MPHOSPH8: variants seen among roughly 807,000 people sequenced by gnomAD.
The protein encoded by MPHOSPH8 is M-phase phosphoprotein 8.
MPHOSPH8 carries 45 observed loss-of-function variants against 87.3 expected under a neutral mutation model. That is an observed-to-expected ratio of 0.52 (90% confidence interval 0.41 to 0.66). The LOEUF (loss-of-function observed/expected upper bound fraction) is 0.66. Among genes scored for constraint, MPHOSPH8 ranks in the 30% least tolerant of loss-of-function variants. MPHOSPH8 has a pLI of 0.00. For synonymous variants in MPHOSPH8, 366 were observed against 376.9 expected (o/e 0.97, Z 0.33); for missense variants, 883 against 1,020.2 (o/e 0.87, Z 1.83).
intron 9 of MPHOSPH8, among the ~76,000 whole-genome samples, chr13:19,665,797 G>A (rs1032781642): frequency 6.6e-6 from 1 of 152,208 alleles, no homozygotes; most frequent in Non-Finnish European, 1.5e-5. Flanking sequence ...AGAATTAAGG[G>A]ACTTATCTGA....
chr13:19,666,450 T>C lies in MPHOSPH8; in HGVS notation c.2045T>C (p.Ile682Thr). The change falls in exon 10 of 14, where the codon ATC becomes ACC. Residue 682 changes from isoleucine (I) to threonine (T), a missense_variant. Coordinates refer to ENST00000361479, the MANE Select transcript of MPHOSPH8 (RefSeq NM_017520.4). ...GCCTGTAAAAGAGGAAATTCAGACATCGTACGACTCGTAATTGAATGTGGA... is the reference window on the plus strand; with the variant it reads ...GCCTGTAAAAGAGGAAATTCAGACACCGTACGACTCGTAATTGAATGTGGA... ...MKACKRGNSD[I>T]VRLVIECGAD... is the part of the protein sequence containing the mutation. 1 of 1,610,070 alleles carries C rather than the reference T, an allele frequency of 6.2e-7. No homozygotes were observed.
rs1875372448 is a variant in MPHOSPH8 at position 19,659,214 on chromosome 13, T to G, written c.1716T>G (p.Asp572Glu). Reference protein sequence around the residue: ...TDAIPSNVLRDAVKNGDYITV... With the variant: ...TDAIPSNVLREAVKNGDYITV... ...CTTTCATTTTAGATGTGTTAAGGGATGCTGTGAAAAATGGGGATTATATTA... is the reference window on the plus strand; with the variant it reads ...CTTTCATTTTAGATGTGTTAAGGGAGGCTGTGAAAAATGGGGATTATATTA... The change falls in exon 7 of 14, where the codon GAT (aspartate) becomes GAG (glutamate). Residue 572 changes from aspartate (D) to glutamate (E), a missense_variant. Coordinates refer to ENST00000361479, the MANE Select transcript of MPHOSPH8 (RefSeq NM_017520.4). 1 of 1,612,796 alleles carries G rather than the reference T, an allele frequency of 6.2e-7. No homozygotes were observed. The highest frequency in any genetic ancestry group is 8.5e-7 in the Non-Finnish European group (1 of 1,179,426).
In MPHOSPH8 at chr13:19,650,013, A is replaced by T. The variant is rs773283220; in HGVS notation, c.1329A>T (p.Glu443Asp). The T allele has an allele frequency of 1.9e-6, 3 of 1,587,114 alleles. No homozygotes were observed. Among genetic ancestry groups the T allele is most frequent in the Non-Finnish European group, 2.6e-6 (3 of 1,166,588 alleles). The change falls in exon 5 of 14, where the codon GAA becomes GAT. Residue 443 changes from glutamate to aspartate, a missense_variant. Glu to Asp is a conservative substitution (Grantham distance 45). Around this residue, in one of 3 missense-constraint regions of MPHOSPH8, gnomAD observed 741 missense variants for 841.5 expected, o/e 0.88. Transcript: ENST00000361479. ...KEPKGLKTLK[E>D]IRNAFDLFKL... Reference sequence around the variant, plus strand: ...TAATTTTTTCGTTAGCACTTAAGGAAATCAGAAATGCATTTGATTTATTTA... The same window carrying T: ...TAATTTTTTCGTTAGCACTTAAGGATATCAGAAATGCATTTGATTTATTTA...
intron 7 of MPHOSPH8, 146 bp downstream of exon 7, chr13:19,659,435 A>G: frequency 1.5e-6 from 1 of 673,726 alleles, no homozygotes; most frequent in Admixed American, 3.0e-5. Flanking sequence ...AGGCCGAGGC[A>G]GGAGGATTGC....
At chr13:19,659,730 A>G (rs1471341142) in intron 7 of MPHOSPH8, 1 of 401,898 alleles carries the variant, frequency 2.5e-6, no homozygotes. Flanking sequence ...CTATAAATGT[A>G]CAATTATAGT....
chr13:19,648,901 A>C (rs1446752613), intron 4 of MPHOSPH8, among the ~76,000 whole-genome samples: 1 of 152,164 alleles, frequency 6.6e-6, no homozygotes, highest in African/African-American at 2.4e-5. Flanking sequence ...GAAAACAAAC[A>C]AAAAAACACC....
At chr13:19,667,393 A>G (rs1027590039) in intron 10 of MPHOSPH8, among the ~76,000 whole-genome samples, 1 of 152,138 alleles carries the variant, frequency 6.6e-6, no homozygotes, top group African/African-American at 2.4e-5. Flanking sequence ...CAGCATTGAC[A>G]TTAGGGCTCA....
At chr13:19,667,224 T>C (rs1050139693) in intron 10 of MPHOSPH8, among the ~76,000 whole-genome samples, 1 of 152,162 alleles carries the variant, frequency 6.6e-6, no homozygotes, top group Admixed American at 6.5e-5. Flanking sequence ...TAATAGACTT[T>C]ATTTTTTGCA....
chr13:19,668,561 T>A (rs531319391), intron 11 of MPHOSPH8, 30 bp downstream of exon 11: 1 of 1,591,730 alleles, frequency 6.3e-7, no homozygotes, highest in South Asian at 1.1e-5. Flanking sequence ...CACACTTTTC[T>A]ATGTGAAGTG....
intron 1 of MPHOSPH8, among the ~76,000 whole-genome samples, chr13:19,639,148 A>T (rs1874154863): frequency 6.6e-6 from 1 of 150,498 alleles, no homozygotes; most frequent in South Asian, 2.1e-4. Context: ...GACATGTGGG[A>T]GTGGTGCTAC....
intron 7 of MPHOSPH8, among the ~76,000 whole-genome samples, chr13:19,660,456 A>C (rs1036182778): frequency 5.9e-5 from 9 of 152,036 alleles, no homozygotes; most frequent in African/African-American, 1.9e-4. Context: ...TTTTTAGCTT[A>C]GCTGTGGATT....
At chr13:19,664,480 T>C (rs55633365) in intron 9 of MPHOSPH8, among the ~76,000 whole-genome samples, 3,390 of 152,284 alleles carry the variant, frequency 0.022, 38 homozygotes, top group Middle Eastern at 0.071. Flanking sequence ...CACAGCAAGG[T>C]TGAAGCTGAA....
At chr13:19,641,820 G>A (rs538888775) in intron 1 of MPHOSPH8, among the ~76,000 whole-genome samples, 1 of 152,026 alleles carries the variant, frequency 6.6e-6, no homozygotes, top group African/African-American at 2.4e-5. Context: ...TTTTAGTAGA[G>A]ACAAGGTTTC....
chr13:19,670,171 T>C, intron 11 of MPHOSPH8, 65 bp from the exon 12 acceptor site: 1 of 1,593,308 alleles, frequency 6.3e-7, no homozygotes, highest in Non-Finnish European at 8.6e-7. Flanking sequence ...CCATCTGGTG[T>C]TGAGTGTTCC....
intron 1 of MPHOSPH8, among the ~76,000 whole-genome samples, chr13:19,638,139 G>A (rs1294738146): frequency 6.6e-6 from 1 of 151,322 alleles, no homozygotes; most frequent in Admixed American, 6.6e-5. Context: ...TTTTCCTTTT[G>A]TATATTATTT....
intron 5 of MPHOSPH8, among the ~76,000 whole-genome samples, chr13:19,652,246 G>A (rs924507735): frequency 6.6e-6 from 1 of 152,200 alleles, no homozygotes; most frequent in Admixed American, 6.5e-5. Context: ...ATCTCATTGG[G>A]ACTGGTTGGA....
At position 19,633,745 on chromosome 13, in the gene MPHOSPH8, T is replaced by C; in HGVS notation, c.-4T>C. ...TTTCCTCGGCGGTTTGCGGAGCTGC[T>C]AGGATGGAGCAGGTTGCGGAGGGAG... On this transcript the variant is annotated 5_prime_UTR_variant, in exon 1 of 14. Coordinates refer to ENST00000361479, the MANE Select transcript of MPHOSPH8 (RefSeq NM_017520.4). 6.3e-7 allele frequency: 1 copy of C among 1,587,250 alleles called. No individual in the cohort carries two copies. Among genetic ancestry groups the C allele is most frequent in the Non-Finnish European group, 8.6e-7 (1 of 1,167,352 alleles).
chr13:19,657,041 G>A lies in MPHOSPH8; in HGVS notation c.1577-1954G>A, dbSNP rs565513184. On this transcript the variant is annotated intron_variant, in intron 5 of 13. Transcript: ENST00000361479. ...GGAGGCTGAGGCAGGAGAATTGCTT[G>A]AACCCAGGAGGTGGAGGTTGCAGTG... is the stretch of plus-strand genomic sequence containing the variant. Among the ~76,000 whole-genome samples the A allele has an allele frequency of 2.3e-3, 302 of 131,996 alleles. 1 individual carries two copies. The highest frequency in any genetic ancestry group is 8.2e-3 in the African/African-American group (291 of 35,488). The allele number at this position is 131,996 out of a possible 152,430, so 86.6% of individuals were successfully genotyped here.
intron 3 of MPHOSPH8, among the ~76,000 whole-genome samples, chr13:19,647,903 T>C (rs1565936221): frequency 6.6e-6 from 1 of 152,188 alleles, no homozygotes; most frequent in Non-Finnish European, 1.5e-5. Flanking sequence ...AAGCTGTGCA[T>C]ACATAGTTAT....
Sources: gnomAD v4.1 joint callset for allele counts (sites outside exome capture counted in the v4.1 genomes callset) on GRCh38, gnomAD v4.1.1 for gene constraint, gnomAD v4.1.1 regional missense constraint, MANE v1.5 for transcripts, NCBI Gene and HGNC (gene_info 2026-07-23, HGNC 2026-07-21) for gene names.